Variants in LARP1 observed in about 807,000 individuals in gnomAD.
The protein encoded by LARP1 is la-related protein 1.
LARP1 carries 36 observed loss-of-function variants against 122.7 expected under a neutral mutation model. The ratio of observed to expected loss-of-function variants is 0.29; its 90% CI spans 0.22 to 0.39. The LOEUF (loss-of-function observed/expected upper bound fraction) is 0.39, where lower values mean the gene tolerates loss of function less well. Ranked by LOEUF, LARP1 falls within the 10% of genes least tolerant of loss-of-function variation. The pLI, the probability that LARP1 is intolerant of heterozygous loss-of-function variation, is 1.00. For synonymous variants in LARP1, 539 were observed against 528.7 expected, an observed-to-expected ratio of 1.02 and a Z score of -0.27; for missense variants, 1,040 against 1,403.6, an observed-to-expected ratio of 0.74 and a Z score of 4.14.
chr5:154,710,237 A>G (rs1317801378), upstream of LARP1, among the ~76,000 whole-genome samples: 2 of 152,272 alleles, frequency 1.3e-5, no homozygotes, highest in South Asian at 2.1e-4. Context: ...AGGATTGGTC[A>G]TTGTTTCTAG....
chr5:154,816,862 C>G lies in LARP1; in HGVS notation c.*2766C>G, dbSNP rs1759703106. 6.6e-6 allele frequency: 1 copy of G among 152,254 alleles called. No individual in the cohort carries two copies. Among genetic ancestry groups the G allele is most frequent in the African/African-American group, 2.4e-5 (1 of 41,460 alleles). The allele number at this position is 152,254 out of a possible 1,614,324, so 9.4% of individuals were successfully genotyped here. ...CTCAGCCCTGTTAAGGGGCAGGTTT[C>G]TCTTTAGCCCTCTTCCTGCACTTGG... On this transcript the variant is annotated 3_prime_UTR_variant, in exon 19 of 19. Transcript: ENST00000518297.
At chr5:154,753,137 C>T (rs1210419317), upstream of LARP1, among the ~76,000 whole-genome samples, 2 of 152,152 alleles carry the variant, frequency 1.3e-5, no homozygotes, top group Non-Finnish European at 2.9e-5. Context: ...TGCCCTCGTA[C>T]CCTCACGAGT....
intron 1 of LARP1, among the ~76,000 whole-genome samples, chr5:154,775,985 T>C (rs561144961): frequency 3.0e-4 from 45 of 152,290 alleles, no homozygotes; most frequent in African/African-American, 1.0e-3. Context: ...GCCTAGTAAG[T>C]GGTGGCCATT....
At chr5:154,800,796 G>C (rs932471619) in intron 10 of LARP1, among the ~76,000 whole-genome samples, 1 of 152,128 alleles carries the variant, frequency 6.6e-6, no homozygotes, top group Non-Finnish European at 1.5e-5. Flanking sequence ...TGGGTCTATG[G>C]AATTCTATAC....
chr5:154,795,994 T>A (rs1464648325), intron 8 of LARP1, among the ~76,000 whole-genome samples: 3 of 98,066 alleles, frequency 3.1e-5, no homozygotes, highest in African/African-American at 4.0e-5. Context: ...TATTATATAT[T>A]TTTATATATA....
chr5:154,754,522 A>G (rs984721023), upstream of LARP1, among the ~76,000 whole-genome samples: 11 of 152,246 alleles, frequency 7.2e-5, no homozygotes, highest in East Asian at 1.9e-4. Flanking sequence ...AATTCTTTAG[A>G]AAAAAAACGA....
chr5:154,711,933 C>T (rs1242577997), upstream of LARP1, among the ~76,000 whole-genome samples: 1 of 152,138 alleles, frequency 6.6e-6, no homozygotes, highest in Admixed American at 6.5e-5. Context: ...GCCTCCTGAC[C>T]ACATCATTGA....
At chr5:154,791,659 T>C (rs1028999915) in intron 3 of LARP1, among the ~76,000 whole-genome samples, 1 of 152,214 alleles carries the variant, frequency 6.6e-6, no homozygotes, top group Non-Finnish European at 1.5e-5. Flanking sequence ...TGGCAGGTGT[T>C]GGTTCTGGGA....
chr5:154,740,524 G>T (rs1249751192), intron 1 of LARP1, among the ~76,000 whole-genome samples: 1 of 152,094 alleles, frequency 6.6e-6, no homozygotes, highest in African/African-American at 2.4e-5. Context: ...GCCTAATGAG[G>T]ATTCTCCCTG....
intron 1 of LARP1, among the ~76,000 whole-genome samples, chr5:154,787,955 C>G (rs1029690127): frequency 6.6e-6 from 1 of 152,204 alleles, no homozygotes; most frequent in Non-Finnish European, 1.5e-5. Flanking sequence ...CTTTGCCTCA[C>G]CTTTTTAAGG....
At chr5:154,787,504 G>A (rs763770906) in intron 1 of LARP1, among the ~76,000 whole-genome samples, 9 of 152,188 alleles carry the variant, frequency 5.9e-5, no homozygotes, top group African/African-American at 1.7e-4. Context: ...AAGCCTAGTC[G>A]TCTTTCTGGT....
In LARP1 at chr5:154,689,406, G is replaced by A. The variant is rs186897864; in HGVS notation, c.-180+6369G>A. Among the ~76,000 whole-genome samples, 689 of 152,128 alleles carry A rather than the reference G, an allele frequency of 4.5e-3. 4 individuals are homozygous for A. The highest frequency in any genetic ancestry group is 8.4e-3 in the African/African-American group (348 of 41,540). ...GCAGAGGTTGCAGTGAGCCAAGATC[G>A]TGCCATTGCACTCCAGCCCAAACGA... On this transcript the variant is annotated intron_variant, in intron 1 of 18. Coordinates refer to the LARP1 transcript ENST00000687700.
chr5:154,734,365 C>T (rs1227558909), intron 1 of LARP1, among the ~76,000 whole-genome samples: 3 of 152,000 alleles, frequency 2.0e-5, no homozygotes, highest in Non-Finnish European at 4.4e-5. Context: ...GACATCAAGA[C>T]AGAGGCTGAA....
chr5:154,744,892 C>T (rs1172750154), intron 1 of LARP1, among the ~76,000 whole-genome samples: 1 of 116,202 alleles, frequency 8.6e-6, no homozygotes, highest in East Asian at 2.3e-4. Flanking sequence ...CCGCCTCGGC[C>T]TCCCAAAGTG....
At position 154,803,194 on chromosome 5, in the gene LARP1, T is replaced by C. The variant is rs1377255702; in HGVS notation, c.2110-96T>C. The C allele has an allele frequency of 1.1e-5, 16 of 1,519,016 alleles. No homozygotes were observed. Among genetic ancestry groups the C allele is most frequent in the Non-Finnish European group, 1.5e-5 (16 of 1,100,460 alleles). 94.1% of individuals were successfully genotyped at this position (1,519,016 alleles called of 1,614,324 possible). ...ATTCCACGTATGTCGACGTGGGAGC[T>C]GCCCTCTCCAACTTCCTGCCAGTCT... On this transcript the variant is annotated intron_variant, in intron 11 of 18. Transcript: ENST00000518297. The surrounding 1 kb of genome is among the most constrained non-coding windows in gnomAD (Gnocchi z 4.4).
intron 1 of LARP1, among the ~76,000 whole-genome samples, chr5:154,733,157 A>C (rs937335663): frequency 2.0e-5 from 3 of 152,208 alleles, no homozygotes; most frequent in Non-Finnish European, 2.9e-5. Context: ...AAACAAATAT[A>C]CTATAGCCAC....
upstream of LARP1, among the ~76,000 whole-genome samples, chr5:154,710,452 A>G (rs971564440): frequency 1.3e-5 from 2 of 152,080 alleles, no homozygotes; most frequent in Admixed American, 1.3e-4. Flanking sequence ...TCTGTTAAAA[A>G]AAAAATTTAG....
chr5:154,810,704 C>G (rs1369301943), intron 16 of LARP1, among the ~76,000 whole-genome samples: 7 of 152,048 alleles, frequency 4.6e-5, no homozygotes, highest in Non-Finnish European at 1.0e-4. Flanking sequence ...CCAGGCTGGT[C>G]TTGAACTCCG....
At chr5:154,754,625 C>A (rs527437412), upstream of LARP1, among the ~76,000 whole-genome samples, 18 of 152,252 alleles carry the variant, frequency 1.2e-4, no homozygotes, top group Non-Finnish European at 2.6e-4. Context: ...TTTAGTAATT[C>A]CGTTCCCACT....
Sources: allele counts gnomAD v4.1 joint callset (sites outside exome capture counted in the v4.1 genomes callset), GRCh38; gene constraint gnomAD v4.1.1; non-coding constraint Gnocchi (gnomAD v3.1); transcripts MANE v1.5; gene names NCBI Gene and HGNC (gene_info 2026-07-23, HGNC 2026-07-21).